The following AFG2A variants were observed in gnomAD, a reference collection of about 807,000 sequenced individuals.
AFG2A encodes AAA ATPase AFG2A, also known as ATPase family gene 2 protein homolog A.
the AFG2A span, among the ~76,000 whole-genome samples, chr4:123,183,394 A>G: frequency 6.6e-6 from 1 of 152,194 alleles, no homozygotes; most frequent in South Asian, 2.1e-4. Context: ...GACAGATGGT[A>G]TTTCCTTAGG....
chr4:122,944,611 C>T, the AFG2A span, among the ~76,000 whole-genome samples: 1 of 152,190 alleles, frequency 6.6e-6, no homozygotes, highest in Non-Finnish European at 1.5e-5. Flanking sequence ...GTAGTTTGAT[C>T]GTCTGAAGCC....
the AFG2A span, among the ~76,000 whole-genome samples, chr4:122,929,607 G>A: frequency 6.6e-6 from 1 of 152,110 alleles, no homozygotes; most frequent in South Asian, 2.1e-4. Flanking sequence ...GCTGAGACAG[G>A]AGGATTGCTT....
the AFG2A span, among the ~76,000 whole-genome samples, chr4:123,194,700 T>C: frequency 1.3e-5 from 2 of 152,230 alleles, no homozygotes; most frequent in East Asian, 3.8e-4. Context: ...TCTAGATTTT[T>C]GAATAAAGTG....
chr4:123,019,527 T>A, the AFG2A span, among the ~76,000 whole-genome samples: 1 of 152,214 alleles, frequency 6.6e-6, no homozygotes, highest in Non-Finnish European at 1.5e-5. Context: ...TAGGCTATAC[T>A]TCTTATATCT....
At chr4:123,173,115 A>C in the AFG2A span, among the ~76,000 whole-genome samples, 1 of 152,236 alleles carries the variant, frequency 6.6e-6, no homozygotes, top group Non-Finnish European at 1.5e-5. Flanking sequence ...CCTAAGCCAA[A>C]TAGATTTTAT....
At chr4:123,215,590 T>C in the AFG2A span, among the ~76,000 whole-genome samples, 13 of 152,196 alleles carry the variant, frequency 8.5e-5, no homozygotes, top group East Asian at 5.8e-4. Flanking sequence ...CAATAGCCCA[T>C]CCTTTTTTCC....
the AFG2A span, among the ~76,000 whole-genome samples, chr4:123,153,452 C>T: frequency 6.6e-6 from 1 of 152,298 alleles, no homozygotes; most frequent in East Asian, 1.9e-4. Flanking sequence ...ACTTTTTGTA[C>T]CCATTTTTTT....
the AFG2A span, among the ~76,000 whole-genome samples, chr4:123,056,735 A>C: frequency 3.9e-5 from 6 of 152,236 alleles, no homozygotes; most frequent in African/African-American, 1.4e-4. Flanking sequence ...ACTAATAGTT[A>C]ATAATACCTA....
At chr4:123,052,610 C>T in the AFG2A span, among the ~76,000 whole-genome samples, 2 of 152,194 alleles carry the variant, frequency 1.3e-5, no homozygotes, top group Non-Finnish European at 2.9e-5. Context: ...TCCAAGAATT[C>T]TAAGCCAACT....
chr4:123,057,197 T>C, the AFG2A span: 1 of 1,613,632 alleles, frequency 6.2e-7, no homozygotes, highest in Non-Finnish European at 8.5e-7. Context: ...AATGTGGCAC[T>C]CTTTCCACCA....
chr4:123,291,979 TTTC>T, the AFG2A span, among the ~76,000 whole-genome samples: 2 of 152,332 alleles, frequency 1.3e-5, no homozygotes, highest in African/African-American at 2.4e-5. Flanking sequence ...ATGATTTGCT[TTTC>T]TTTTCTCTCA....
chr4:123,261,115 T>A, the AFG2A span, among the ~76,000 whole-genome samples: 35 of 152,316 alleles, frequency 2.3e-4, no homozygotes, highest in Admixed American at 8.5e-4. Context: ...AAAAATTGTC[T>A]TCCACAAAAC....
At chr4:123,254,988 G>A in the AFG2A span, among the ~76,000 whole-genome samples, 9 of 151,696 alleles carry the variant, frequency 5.9e-5, no homozygotes, top group Non-Finnish European at 7.4e-5. Context: ...TTTTTAAATG[G>A]AGTCTTATTC....
At chr4:122,995,980 A>G in the AFG2A span, among the ~76,000 whole-genome samples, 4 of 152,346 alleles carry the variant, frequency 2.6e-5, no homozygotes, top group African/African-American at 9.6e-5. Flanking sequence ...ATACTCATTT[A>G]TCTCGCCCTT....
chr4:123,091,351 T>C, the AFG2A span, among the ~76,000 whole-genome samples: 2 of 152,242 alleles, frequency 1.3e-5, no homozygotes, highest in African/African-American at 4.8e-5. Context: ...ACATTTTTAT[T>C]GCTTATGATT....
the AFG2A span, among the ~76,000 whole-genome samples, chr4:123,023,350 C>T: frequency 6.6e-6 from 1 of 151,906 alleles, no homozygotes; most frequent in Non-Finnish European, 1.5e-5. Context: ...ATATGTACTC[C>T]TTGAATCTAA....
chr4:123,212,533 G>A, the AFG2A span, among the ~76,000 whole-genome samples: 1 of 152,214 alleles, frequency 6.6e-6, no homozygotes, highest in South Asian at 2.1e-4. Flanking sequence ...GCTAACTAGG[G>A]AATGTTGGCT....
At chr4:123,056,059 A>C in the AFG2A span, among the ~76,000 whole-genome samples, 2 of 152,228 alleles carry the variant, frequency 1.3e-5, no homozygotes, top group African/African-American at 4.8e-5. Flanking sequence ...GTTAGGCCTG[A>C]GAAATGGCTG....
chr4:122,936,754 C>T, the AFG2A span, among the ~76,000 whole-genome samples: 2 of 152,066 alleles, frequency 1.3e-5, no homozygotes, highest in African/African-American at 4.8e-5. Flanking sequence ...CCGAGGCAGG[C>T]AGATCACCTG....
Sources: gnomAD v4.1 joint callset for allele counts (sites outside exome capture counted in the v4.1 genomes callset) on GRCh38, gnomAD v4.1.1 for gene constraint, MANE v1.5 for transcripts, NCBI Gene and HGNC (gene_info 2026-07-23, HGNC 2026-07-21) for gene names.